Variants in RPS6KA1 observed in about 807,000 individuals in gnomAD.
The protein encoded by RPS6KA1 is ribosomal protein S6 kinase alpha-1.
In RPS6KA1, 48 loss-of-function variants were observed where a neutral mutation model predicts 91.3. The observed-to-expected ratio is 0.53, with a 90% CI of 0.42 to 0.67. The LOEUF (loss-of-function observed/expected upper bound fraction) is 0.67, where lower values mean the gene tolerates loss of function less well. Among genes scored for constraint, RPS6KA1 ranks in the 30% least tolerant of loss-of-function variants. RPS6KA1 has a pLI of 0.00. For missense variants in RPS6KA1, 719 were observed against 960.5 expected (o/e 0.75, Z 3.32); for synonymous variants, 359 against 384.7 (o/e 0.93, Z 0.78).
chr1:26,540,676 A>C lies in RPS6KA1; in HGVS notation c.108+3707A>C, dbSNP rs2124619284. Among the ~76,000 whole-genome samples the C allele has an allele frequency of 6.6e-6, 1 of 152,344 alleles. No homozygotes were observed. The highest frequency in any genetic ancestry group is 6.5e-5 in the Admixed American group (1 of 15,308). ...CTGTAGCCTTGACCTCCTAGGCTCA[A>C]GTGATCCTCCTACCTCAGCTACCGG... On this transcript the variant is annotated intron_variant, in intron 2 of 21. Transcript: ENST00000374168. This position sits in a 1 kb window ranked among gnomAD's most constrained non-coding sequence, Gnocchi z 4.2.
chr1:26,561,047 C>T lies in RPS6KA1; in HGVS notation c.1344C>T (p.Val448=). 1 of 1,613,690 alleles carries T rather than the reference C, an allele frequency of 6.2e-7. No homozygotes were observed. The highest frequency in any genetic ancestry group is 1.1e-5 in the South Asian group (1 of 91,026). ...KATNMEYAVK[V]IDKSKRDPSE... ...CCACATGCACCCCCTTTCTTCAGGT[C>T]ATTGATAAGAGCAAGCGGGATCCTT... The change falls in exon 16 of 22, where the codon GTC becomes GTT. Residue 448 remains valine (V), a splice_region_variant and synonymous_variant. Transcript: ENST00000374168. This position sits in a 1 kb window ranked among gnomAD's most constrained non-coding sequence, Gnocchi z 5.7.
chr1:26,572,114 G>GCAGCCC lies in RPS6KA1; in HGVS notation c.1830-52_1830-47dup. ...TGAGGGGGAGACACAGTCTCCCACC[G>GCAGCCC]CAGCCCCAGCCCCAGTATGGAGGCC... On this transcript the variant is annotated intron_variant, in intron 19 of 21. Transcript: ENST00000374168. 4 of 1,442,764 alleles carry GCAGCCC rather than the reference G, an allele frequency of 2.8e-6. No homozygotes were observed. The South Asian group carries it at 3.4e-5, about 12-fold the overall frequency. 89.4% of individuals were successfully genotyped at this position (1,442,764 alleles called of 1,614,324 possible). A position where few individuals can be genotyped will look rare whatever the true frequency, so the allele number is the denominator to read the frequency against.
At chr1:26,559,695 A>G (rs1436197429) in intron 14 of RPS6KA1, among the ~76,000 whole-genome samples, 1 of 152,054 alleles carries the variant, frequency 6.6e-6, no homozygotes, top group African/African-American at 2.4e-5. Flanking sequence ...TTTGGATGAG[A>G]TACTCCCTTC....
chr1:26,570,464 G>T (rs1011902331), intron 17 of RPS6KA1, among the ~76,000 whole-genome samples: 6 of 152,002 alleles, frequency 3.9e-5, no homozygotes, highest in African/African-American at 1.5e-4. Flanking sequence ...CTCCAGCCTG[G>T]GCAACACAGA....
rs2075856444 is a variant in RPS6KA1 at position 26,530,010 on chromosome 1, G to A, written c.63+27G>A. The A allele has an allele frequency of 1.2e-5, 16 of 1,315,782 alleles. No individual in the cohort carries two copies. In the African/African-American group the frequency reaches 1.4e-4, roughly 11 times the overall value. 81.5% of individuals were successfully genotyped at this position (1,315,782 alleles called of 1,614,324 possible). A position where few individuals can be genotyped will look rare whatever the true frequency, so the allele number is the denominator to read the frequency against. On this transcript the variant is annotated intron_variant, in intron 1 of 21. Transcript: ENST00000374168. ...TGAGTGAGCGGGGCGGGGGACGGGC[G>A]CCCGCGGCCGGCGAGCCCGGATCCT...
intron 14 of RPS6KA1, 109 bp downstream of exon 14, chr1:26,559,046 A>C (rs1267803851): frequency 7.5e-7 from 1 of 1,331,066 alleles, no homozygotes; most frequent in East Asian, 2.5e-5. Flanking sequence ...CCACTGTGGG[A>C]CCAGTAGGGC....
At chr1:26,566,622 A>G (rs1361500850) in intron 17 of RPS6KA1, among the ~76,000 whole-genome samples, 1 of 152,048 alleles carries the variant, frequency 6.6e-6, no homozygotes, top group African/African-American at 2.4e-5. Flanking sequence ...CTGATGTTTA[A>G]TGAAGTTGAG....
chr1:26,552,781 G>A (rs1024263672), intron 6 of RPS6KA1: 12 of 343,388 alleles, frequency 3.5e-5, no homozygotes, highest in African/African-American at 2.2e-4. Flanking sequence ...GTGAGCCACC[G>A]TGCCCGGCTT....
At chr1:26,552,386 CAAAAAA>C (rs1197852280) in intron 6 of RPS6KA1, among the ~76,000 whole-genome samples, 2 of 54,910 alleles carry the variant, frequency 3.6e-5, no homozygotes, top group Non-Finnish European at 6.0e-5. Context: ...GACTCTGTCT[CAAAAAA>C]AAAAAAAAAA....
At chr1:26,569,683 G>T (rs922565221) in intron 17 of RPS6KA1, among the ~76,000 whole-genome samples, 1 of 152,210 alleles carries the variant, frequency 6.6e-6, no homozygotes, top group African/African-American at 2.4e-5. Flanking sequence ...AACCTGCAAG[G>T]TATCTGTCTC....
intron 2 of RPS6KA1, among the ~76,000 whole-genome samples, chr1:26,539,358 G>A (rs529272576): frequency 6.2e-4 from 94 of 152,332 alleles, no homozygotes; most frequent in Non-Finnish European, 5.9e-4. Context: ...ATTTGGCTGG[G>A]ACTCAAAAGG....
rs1349240304 is a variant in RPS6KA1, at chr1:26,540,728, A to G, written c.108+3759A>G. Among the ~76,000 whole-genome samples, 1 of 152,210 alleles carries G rather than the reference A, an allele frequency of 6.6e-6. No individual in the cohort carries two copies. Among genetic ancestry groups the G allele is most frequent in the Non-Finnish European group, 1.5e-5 (1 of 68,032 alleles). Reference sequence around the variant, plus strand: ...GTAGCTGGGACTACAGGCGCACGCCACTATGCCCAGCCAGGAGTTCAACAC... The same window carrying G: ...GTAGCTGGGACTACAGGCGCACGCCGCTATGCCCAGCCAGGAGTTCAACAC... On this transcript the variant is annotated intron_variant, in intron 2 of 21. Transcript: ENST00000374168. This position sits in a 1 kb window ranked among gnomAD's most constrained non-coding sequence, Gnocchi z 4.2.
At position 26,571,691 on chromosome 1, in the gene RPS6KA1, C is replaced by G; in HGVS notation, c.1752+81C>G. The G allele has an allele frequency of 1.3e-6, 2 of 1,537,810 alleles. No individual in the cohort carries two copies. The highest frequency in any genetic ancestry group is 1.8e-6 in the Non-Finnish European group (2 of 1,132,436). ...CCCCCTCCCAGAGGCCCCACATTAG[C>G]CGGGACTCCAGTCTCTGTGACCTTG... On this transcript the variant is annotated intron_variant, in intron 18 of 21. Coordinates refer to ENST00000374168, the MANE Select transcript of RPS6KA1 (RefSeq NM_002953.4). The surrounding 1 kb of genome is among the most constrained non-coding windows in gnomAD (Gnocchi z 5.1).
chr1:26,571,361 T>C lies in RPS6KA1; in HGVS notation c.1591-88T>C. 1 of 1,310,924 alleles carries C rather than the reference T, an allele frequency of 7.6e-7. No individual in the cohort carries two copies. The highest frequency in any genetic ancestry group is 1.1e-6 in the Non-Finnish European group (1 of 920,970). The allele number at this position is 1,310,924 out of a possible 1,614,324, so 81.2% of individuals were successfully genotyped here. On this transcript the variant is annotated intron_variant, in intron 17 of 21. Transcript: ENST00000374168. The surrounding 1 kb of genome is among the most constrained non-coding windows in gnomAD (Gnocchi z 5.1). ...CATGCACCCGTCCCTCTGCACCCTG[T>C]CTGTGTAGCTTTCTAATCTCTGGCC...
In RPS6KA1 at chr1:26,529,761, G is replaced by T; in HGVS notation, c.-160G>T. 1 of 341,104 alleles carries T rather than the reference G, an allele frequency of 2.9e-6. No individual in the cohort carries two copies. Among genetic ancestry groups the T allele is most frequent in the South Asian group, 1.2e-4 (1 of 8,126 alleles). 21.1% of individuals were successfully genotyped at this position (341,104 alleles called of 1,614,324 possible). ...GCGGCGCCGGGTGACGGAGGGAGCC[G>T]AAGTGCTAGTGCCGCGGCGGCGGCG... On this transcript the variant is annotated 5_prime_UTR_variant, in exon 1 of 22. Coordinates refer to ENST00000374168, the MANE Select transcript of RPS6KA1 (RefSeq NM_002953.4). The surrounding 1 kb of genome is among the most constrained non-coding windows in gnomAD (Gnocchi z 4.2).
chr1:26,550,501 T>A (rs954680805), intron 4 of RPS6KA1, among the ~76,000 whole-genome samples: 19 of 151,962 alleles, frequency 1.3e-4, no homozygotes, highest in Non-Finnish European at 2.5e-4. Context: ...GTATTTTTAA[T>A]AGAGACAGGG....
chr1:26,555,636 C>G lies in RPS6KA1; in HGVS notation c.916+11C>G. On this transcript the variant is annotated intron_variant, in intron 11 of 21. Coordinates refer to ENST00000374168, the MANE Select transcript of RPS6KA1 (RefSeq NM_002953.4). This position sits in a 1 kb window ranked among gnomAD's most constrained non-coding sequence, Gnocchi z 4.3. Reference sequence around the variant, plus strand: ...CTGCCAACCGGCTCGGTAAGCAGCCCCAGCTCAGGGGAGGGGATGTGGCGA... The same window carrying G: ...CTGCCAACCGGCTCGGTAAGCAGCCGCAGCTCAGGGGAGGGGATGTGGCGA... The G allele has an allele frequency of 6.3e-7, 1 of 1,582,250 alleles. No homozygotes were observed. Among genetic ancestry groups the G allele is most frequent in the Non-Finnish European group, 8.6e-7 (1 of 1,163,160 alleles).
chr1:26,569,803 T>C (rs569435676), intron 17 of RPS6KA1, among the ~76,000 whole-genome samples: 1 of 152,242 alleles, frequency 6.6e-6, no homozygotes, highest in South Asian at 2.1e-4. Flanking sequence ...TCCACAGACA[T>C]AGGGTTATGA....
chr1:26,561,047 C>A lies in RPS6KA1; in HGVS notation c.1344C>A (p.Val448=). ...CCACATGCACCCCCTTTCTTCAGGT[C>A]ATTGATAAGAGCAAGCGGGATCCTT... ...KATNMEYAVK[V]IDKSKRDPSE... is the part of the protein sequence containing the mutation. Residue 448 remains valine, a splice_region_variant and synonymous_variant, in exon 16 of 22, where the codon GTC becomes GTA. Coordinates refer to ENST00000374168, the MANE Select transcript of RPS6KA1 (RefSeq NM_002953.4). The surrounding 1 kb of genome is among the most constrained non-coding windows in gnomAD (Gnocchi z 5.7). The A allele has an allele frequency of 6.2e-7, 1 of 1,613,686 alleles. No individual in the cohort carries two copies. Among genetic ancestry groups the A allele is most frequent in the Non-Finnish European group, 8.5e-7 (1 of 1,179,892 alleles).
Sources: allele counts gnomAD v4.1 joint callset (sites outside exome capture counted in the v4.1 genomes callset), GRCh38; gene constraint gnomAD v4.1.1; non-coding constraint Gnocchi (gnomAD v3.1); transcripts MANE v1.5; gene names NCBI Gene and HGNC (gene_info 2026-07-23, HGNC 2026-07-21).